TBC1D5: variants seen among roughly 807,000 people sequenced by gnomAD.
The protein encoded by TBC1D5 is TBC1 domain family member 5, also known as TBC1 domain family, member 5.
Under a neutral mutation model 100.3 loss-of-function variants are expected in TBC1D5, and 75 were observed. The ratio of observed to expected loss-of-function variants is 0.75; its 90% CI spans 0.62 to 0.91. The LOEUF (loss-of-function observed/expected upper bound fraction) is 0.91. TBC1D5 is among the 40% of genes least tolerant of loss of function. The pLI is 0.00. For missense variants in TBC1D5, 910 were observed against 942.4 expected (o/e 0.97, Z 0.45); for synonymous variants, 323 against 325.6 (o/e 0.99, Z 0.09).
intron 9 of TBC1D5, among the ~76,000 whole-genome samples, chr3:17,379,300 G>A (rs1378366363): frequency 6.6e-6 from 1 of 151,964 alleles, no homozygotes; most frequent in Non-Finnish European, 1.5e-5. Context: ...GGTTTATCAT[G>A]AAGTTTTCTT....
intron 2 of TBC1D5, among the ~76,000 whole-genome samples, chr3:17,623,307 A>G (rs2062822010): frequency 6.6e-6 from 1 of 152,180 alleles, no homozygotes; most frequent in East Asian, 1.9e-4. Flanking sequence ...TTGGATAGTA[A>G]GTGTATAATG....
At chr3:17,636,010 T>A (rs2063882083) in intron 1 of TBC1D5, among the ~76,000 whole-genome samples, 2 of 152,026 alleles carry the variant, frequency 1.3e-5, no homozygotes, top group Admixed American at 6.5e-5. Context: ...CTGGCCAACA[T>A]GGTAAAACCC....
In TBC1D5 at chr3:17,480,264, C is replaced by T. The variant is rs553490741; in HGVS notation, c.97+28210G>A. On this transcript the variant is annotated intron_variant, in intron 3 of 21. Coordinates refer to ENST00000253692, the Ensembl canonical transcript of TBC1D5. ...GCACCCCTCAGCTCAAAAACCTGGG[C>T]GCCATGGATGACATGCTGATGGTGG... Among the ~76,000 whole-genome samples, 4 of 152,184 alleles carry T rather than the reference C, an allele frequency of 2.6e-5. No individual in the cohort carries two copies. In the East Asian group the frequency reaches 5.8e-4, roughly 22 times the overall value.
intron 1 of TBC1D5, among the ~76,000 whole-genome samples, chr3:17,715,811 A>G (rs1316023152): frequency 1.3e-4 from 20 of 151,270 alleles, no homozygotes; most frequent in African/African-American, 4.9e-4. Flanking sequence ...CTTAAAAAAA[A>G]GGGGGGGGAG....
At chr3:17,225,466 A>G (rs1368218589) in intron 17 of TBC1D5, among the ~76,000 whole-genome samples, 1 of 151,492 alleles carries the variant, frequency 6.6e-6, no homozygotes, top group Admixed American at 6.6e-5. Context: ...ACAAAAAACA[A>G]ACACCAACCA....
rs558488815 is a variant in TBC1D5, at chr3:17,179,992, G to A, written c.1852+5117C>T. Reference sequence around the variant, plus strand: ...AGACTAGCGTAGGTTGCTCACCCACGTGCAATTATGTGTGAAGTACGGCAT... The same window carrying A: ...AGACTAGCGTAGGTTGCTCACCCACATGCAATTATGTGTGAAGTACGGCAT... On this transcript the variant is annotated intron_variant, in intron 19 of 21. Coordinates refer to ENST00000253692, the Ensembl canonical transcript of TBC1D5. Among the ~76,000 whole-genome samples the A allele has an allele frequency of 3.0e-3, 461 of 152,284 alleles. 4 individuals are homozygous for A. Among genetic ancestry groups the A allele is most frequent in the African/African-American group, 0.01 (417 of 41,564 alleles).
chr3:17,437,921 C>A (rs370556472), intron 3 of TBC1D5, among the ~76,000 whole-genome samples: 1 of 152,096 alleles, frequency 6.6e-6, no homozygotes, highest in African/African-American at 2.4e-5. Context: ...ATCTTATATG[C>A]CCTCATTTAC....
intron 17 of TBC1D5, among the ~76,000 whole-genome samples, chr3:17,233,187 T>C (rs1005385107): frequency 6.6e-6 from 1 of 152,226 alleles, no homozygotes; most frequent in Non-Finnish European, 1.5e-5. Flanking sequence ...TGCTACACTG[T>C]ACTTTAATTG....
chr3:17,621,100 C>T (rs147688079), intron 2 of TBC1D5, among the ~76,000 whole-genome samples: 15 of 151,902 alleles, frequency 9.9e-5, no homozygotes, highest in African/African-American at 3.1e-4. Flanking sequence ...CTGTGAAAGA[C>T]GGGACATATA....
chr3:17,233,169 T>G (rs2075560494), intron 17 of TBC1D5, among the ~76,000 whole-genome samples: 1 of 152,218 alleles, frequency 6.6e-6, no homozygotes, highest in African/African-American at 2.4e-5. Context: ...TTACCATAAA[T>G]GAAGATTTGC....
intron 2 of TBC1D5, among the ~76,000 whole-genome samples, chr3:17,553,355 T>C (rs1038161818): frequency 6.6e-6 from 1 of 152,080 alleles, no homozygotes; most frequent in Admixed American, 6.6e-5. Context: ...CAACACACAT[T>C]AGTAGTAACA....
chr3:17,160,312 T>C (rs1451536908), exon 22 of TBC1D5: 1 of 152,258 alleles, frequency 6.6e-6, no homozygotes, highest in Non-Finnish European at 1.5e-5. Context: ...CTAAATATTA[T>C]TCCTAAGCTT....
At chr3:17,237,970 TA>T (rs3839094) in intron 17 of TBC1D5, among the ~76,000 whole-genome samples, 192 bp downstream of exon 17, 60,590 of 150,718 alleles carry the variant, frequency 0.4, 12,825 homozygotes, top group Middle Eastern at 0.49. Context: ...ATATAAATGT[TA>T]AAAAAAAAAT....
At chr3:17,704,128 C>T (rs1237928029) in intron 1 of TBC1D5, among the ~76,000 whole-genome samples, 19 of 141,730 alleles carry the variant, frequency 1.3e-4, no homozygotes, top group Non-Finnish European at 2.4e-4. Context: ...TGACTCTTAA[C>T]GAGCATGCTG....
At chr3:17,337,743 G>A (rs10446443) in intron 13 of TBC1D5, 1 of 152,044 alleles carries the variant, frequency 6.6e-6, no homozygotes, top group Non-Finnish European at 1.5e-5. Flanking sequence ...CAAAGCTCAT[G>A]TGAGTTATTG....
chr3:17,490,182 T>C (rs544824847), intron 3 of TBC1D5, among the ~76,000 whole-genome samples: 3 of 152,146 alleles, frequency 2.0e-5, no homozygotes, highest in African/African-American at 7.2e-5. Context: ...TTCCCCACTG[T>C]TTAGTGGGGT....
At chr3:17,496,323 AG>A (rs998902725) in intron 3 of TBC1D5, among the ~76,000 whole-genome samples, 1 of 152,232 alleles carries the variant, frequency 6.6e-6, no homozygotes, top group Non-Finnish European at 1.5e-5. Context: ...TAAATTGAAG[AG>A]CATTAAACAC....
intron 13 of TBC1D5, among the ~76,000 whole-genome samples, chr3:17,323,674 T>C (rs1190740027): frequency 1.3e-5 from 2 of 152,092 alleles, no homozygotes; most frequent in Non-Finnish European, 2.9e-5. Context: ...AAAAAAAAGA[T>C]AATCACAAAG....
At chr3:17,473,948 T>G (rs1382547309) in intron 3 of TBC1D5, among the ~76,000 whole-genome samples, 1 of 152,062 alleles carries the variant, frequency 6.6e-6, no homozygotes, top group Non-Finnish European at 1.5e-5. Context: ...ATCCATAATG[T>G]TGGAAAAAAC....
Sources: gnomAD v4.1 joint callset for allele counts (sites outside exome capture counted in the v4.1 genomes callset) on GRCh38, gnomAD v4.1.1 for gene constraint, MANE v1.5 for transcripts, NCBI Gene and HGNC (gene_info 2026-07-23, HGNC 2026-07-21) for gene names.